The following FAM107A variants were observed in gnomAD, a reference collection of about 807,000 sequenced individuals.
FAM107A encodes the protein actin-associated protein FAM107A.
Under a neutral mutation model 13.7 loss-of-function variants are expected in FAM107A, and 19 were observed. That is an observed-to-expected ratio of 1.38 (90% CI 0.97 to 2.03). FAM107A has a LOEUF of 2.03. FAM107A is among the 30% of genes most tolerant of loss of function. The pLI is 0.00. For missense variants in FAM107A, 203 were observed against 184.4 expected (o/e 1.10, Z -0.58); for synonymous variants, 82 against 74.5 (o/e 1.10, Z -0.52).
Position 58,566,610 on chromosome 3 carries a change from G to A in FAM107A, c.413C>T (p.Thr138Ile). 1 of 1,613,696 alleles carries A rather than the reference G, an allele frequency of 6.2e-7. No homozygotes were observed. The highest frequency in any genetic ancestry group is 8.5e-7 in the Non-Finnish European group (1 of 1,179,790). ...RENLRRIATL[T>I]SEEREL ...GCCCTACAGCTCTCTCTCTTCGCTGGTCAGTGTGGCAATTCTCCGCAGGTT... is the reference window on the plus strand; with the variant it reads ...GCCCTACAGCTCTCTCTCTTCGCTGATCAGTGTGGCAATTCTCCGCAGGTT... The change falls in exon 4 of 4, where the codon ACC becomes ATC. Residue 138 changes from threonine to isoleucine, a missense_variant. Physicochemically the swap from Thr to Ile is moderately conservative, Grantham distance 89. Coordinates refer to ENST00000360997, the MANE Select transcript of FAM107A (RefSeq NM_001076778.3).
At chr3:58,579,674 G>C (rs766202117), upstream of FAM107A, among the ~76,000 whole-genome samples, 14 of 152,318 alleles carry the variant, frequency 9.2e-5, no homozygotes, top group Non-Finnish European at 1.3e-4. Flanking sequence ...AACAGTTGGA[G>C]AGTAAGAAGG....
chr3:58,599,206 T>C (rs1236092801), intron 1 of FAM107A, among the ~76,000 whole-genome samples: 2 of 152,190 alleles, frequency 1.3e-5, no homozygotes, highest in East Asian at 3.8e-4. Flanking sequence ...CCTCCCAAAG[T>C]GCTGGGATTA....
At chr3:58,588,011 T>C (rs1348374740), upstream of FAM107A, among the ~76,000 whole-genome samples, 1 of 152,174 alleles carries the variant, frequency 6.6e-6, no homozygotes, top group Non-Finnish European at 1.5e-5. Context: ...GTGGTCCGAC[T>C]ACAGACCTTG....
At chr3:58,599,725 T>A (rs6785724) in intron 1 of FAM107A, among the ~76,000 whole-genome samples, 34,223 of 112,804 alleles carry the variant, frequency 0.3, 6,385 homozygotes, top group South Asian at 0.54. Flanking sequence ...TTTTTTTTTT[T>A]TTTTTTTTTT....
upstream of FAM107A, among the ~76,000 whole-genome samples, chr3:58,578,996 C>T (rs1316153078): frequency 6.6e-6 from 1 of 152,208 alleles, no homozygotes; most frequent in Non-Finnish European, 1.5e-5. Context: ...CAGGTAATAT[C>T]CCTGCTGTCA....
At chr3:58,594,544 T>A (rs577335084) in intron 1 of FAM107A, among the ~76,000 whole-genome samples, 6 of 152,370 alleles carry the variant, frequency 3.9e-5, no homozygotes, top group African/African-American at 1.4e-4. Flanking sequence ...ACAAGGTCTC[T>A]TCTTCCTCTG....
upstream of FAM107A, chr3:58,577,871 G>A: frequency 4.1e-6 from 1 of 242,974 alleles, no homozygotes; most frequent in Non-Finnish European, 6.6e-6. This position sits in a 1 kb window ranked among gnomAD's most constrained non-coding sequence, Gnocchi z 4.9. Context: ...CCACGAATGG[G>A]TCAGAAACTC....
chr3:58,591,597 C>T (rs1031090322), upstream of FAM107A, among the ~76,000 whole-genome samples: 3 of 152,204 alleles, frequency 2.0e-5, no homozygotes, highest in Non-Finnish European at 4.4e-5. This position sits in a 1 kb window ranked among gnomAD's most constrained non-coding sequence, Gnocchi z 4.3. Context: ...CTGTTCCCTT[C>T]ACCTGGGAAG....
upstream of FAM107A, among the ~76,000 whole-genome samples, chr3:58,580,178 T>C (rs1042333956): frequency 1.3e-5 from 2 of 152,098 alleles, no homozygotes; most frequent in Non-Finnish European, 1.5e-5. Flanking sequence ...CTGAAAAAGA[T>C]GTCTTCTACA....
chr3:58,604,031 C>A lies in FAM107A; in HGVS notation c.-69-14762G>T, dbSNP rs2065773033. ...CCGTGGGTGGAAGCCCTCCCAATAG[C>A]CCCTGCCCCACCAGATGCCCCTCCG... On this transcript the variant is annotated intron_variant, in intron 1 of 3. Coordinates refer to the FAM107A transcript ENST00000465970. This position sits in a 1 kb window ranked among gnomAD's most constrained non-coding sequence, Gnocchi z 4.1. 2.0e-5 allele frequency among the ~76,000 whole-genome samples: 3 copies of A among 152,272 alleles called. No individual in the cohort carries two copies. Among genetic ancestry groups the A allele is most frequent in the East Asian group, 1.9e-4 (1 of 5,174 alleles).
intron 1 of FAM107A, chr3:58,570,357 A>T (rs1159555047): frequency 1.0e-6 from 1 of 984,162 alleles, no homozygotes; most frequent in Non-Finnish European, 1.2e-6. Context: ...ACAGTTCCAC[A>T]ACTGTTCAGC....
At chr3:58,587,005 G>C in exon 1 of FAM107A, 3 of 1,419,442 alleles carry the variant, frequency 2.1e-6, no homozygotes, top group Non-Finnish European at 2.8e-6. Flanking sequence ...GCGTAGTCCG[G>C]AGCCGAAGCG....
At chr3:58,577,867 ATG>A (rs1251693624), upstream of FAM107A, 3 of 258,926 alleles carry the variant, frequency 1.2e-5, no homozygotes, top group Non-Finnish European at 1.8e-5. This position sits in a 1 kb window ranked among gnomAD's most constrained non-coding sequence, Gnocchi z 4.9. Context: ...TTATCCACGA[ATG>A]GGTCAGAAAC....
At chr3:58,575,374 C>A (rs935204025) in intron 1 of FAM107A, among the ~76,000 whole-genome samples, 2 of 152,074 alleles carry the variant, frequency 1.3e-5, no homozygotes, top group Non-Finnish European at 2.9e-5. Flanking sequence ...TGATGCTCAC[C>A]GAAGACAAAC....
intron 1 of FAM107A, among the ~76,000 whole-genome samples, chr3:58,608,228 T>C (rs978598598): frequency 2.0e-5 from 3 of 152,156 alleles, no homozygotes; most frequent in Non-Finnish European, 4.4e-5. Flanking sequence ...TGGCACAGAG[T>C]AGGTGCTCAA....
At position 58,566,606 on chromosome 3, in the gene FAM107A, G is replaced by T; in HGVS notation, c.417C>A (p.Ser139Arg). The change falls in exon 4 of 4, where the codon AGC becomes AGA. Residue 139 changes from serine (S) to arginine (R), a missense_variant. Ser to Arg is a moderately radical substitution (Grantham distance 110, BLOSUM62 -1). Coordinates refer to ENST00000360997, the MANE Select transcript of FAM107A (RefSeq NM_001076778.3). Reference protein sequence around the residue: ...ENLRRIATLTSEEREL With the variant: ...ENLRRIATLTREEREL ...GCTGGCCCTACAGCTCTCTCTCTTC[G>T]CTGGTCAGTGTGGCAATTCTCCGCA... 1.2e-6 allele frequency: 2 copies of T among 1,613,458 alleles called. No individual in the cohort carries two copies. The highest frequency in any genetic ancestry group is 1.7e-6 in the Non-Finnish European group (2 of 1,179,648).
At chr3:58,582,599 C>T (rs550769776), upstream of FAM107A, among the ~76,000 whole-genome samples, 54 of 152,214 alleles carry the variant, frequency 3.5e-4, no homozygotes, top group Non-Finnish European at 5.7e-4. Flanking sequence ...GGTGCCAACC[C>T]GGACCACAAT....
chr3:58,619,576 C>T (rs1445524931), intron 1 of FAM107A, among the ~76,000 whole-genome samples: 2 of 152,216 alleles, frequency 1.3e-5, no homozygotes, highest in Admixed American at 1.3e-4. Context: ...AATCCTTCTT[C>T]GTCTTTTACC....
chr3:58,593,062 C>T (rs2108066107), intron 1 of FAM107A, among the ~76,000 whole-genome samples: 1 of 152,242 alleles, frequency 6.6e-6, no homozygotes, highest in Middle Eastern at 3.4e-3. Flanking sequence ...CCCACTCAGT[C>T]ATCTATAGTA....
Sources: gnomAD v4.1 joint callset for allele counts (sites outside exome capture counted in the v4.1 genomes callset) on GRCh38, gnomAD v4.1.1 for gene constraint, Gnocchi (gnomAD v3.1) non-coding constraint, MANE v1.5 for transcripts, NCBI Gene and HGNC (gene_info 2026-07-23, HGNC 2026-07-21) for gene names.